Variants in SLC35B3 observed in about 807,000 individuals in gnomAD.
The protein encoded by SLC35B3 is adenosine 3'-phospho 5'-phosphosulfate transporter 2.
Under a neutral mutation model 44.1 loss-of-function variants are expected in SLC35B3, and 35 were observed. The ratio of observed to expected loss-of-function variants is 0.79; its 90% CI spans 0.61 to 1.05. The LOEUF (loss-of-function observed/expected upper bound fraction) is 1.05. Among genes scored for constraint, SLC35B3 ranks in the 50% least tolerant of loss-of-function variants. The pLI, the probability that SLC35B3 is intolerant of heterozygous loss-of-function variation, is 0.00. For missense variants in SLC35B3, 414 were observed against 476.4 expected (o/e 0.87, Z 1.22); for synonymous variants, 146 against 167.3 (o/e 0.87, Z 0.98).
intron 3 of SLC35B3, 35 bp downstream of exon 2, chr6:8,429,829 A>G (rs931984329): frequency 2.1e-5 from 30 of 1,425,006 alleles, no homozygotes; most frequent in South Asian, 1.6e-4. Context: ...ATTATTATAA[A>G]TAATTAACAT....
At position 8,419,625 on chromosome 6, in the gene SLC35B3, A is replaced by G. The variant is rs1195162474; in HGVS notation, c.735T>C (p.Val245=). The G allele has an allele frequency of 6.4e-7, 1 of 1,572,230 alleles. No homozygotes were observed. Among genetic ancestry groups the G allele is most frequent in the Non-Finnish European group, 8.7e-7 (1 of 1,153,394 alleles). ...TATGAAGTTTCATAGCTTTCTCTTG[A>G]ACATTTCCAATGACGGCATCTGCAC... is the stretch of plus-strand genomic sequence containing the variant. Residue 245 remains valine, a synonymous_variant, in exon 7 of 11, where the codon GTT becomes GTC. Coordinates refer to ENST00000644923, the MANE Select transcript of SLC35B3 (RefSeq NM_001370476.2). The surrounding 1 kb of genome is among the most constrained non-coding windows in gnomAD (Gnocchi z 4.3).
At position 8,430,019 on chromosome 6, in the gene SLC35B3, C is replaced by T. The variant is rs550117055; in HGVS notation, c.142G>A (p.Val48Met). 1 of 1,613,936 alleles carries T rather than the reference C, an allele frequency of 6.2e-7. No individual in the cohort carries two copies. Among genetic ancestry groups the T allele is most frequent in the East Asian group, 2.2e-5 (1 of 44,840 alleles). ...GACATTGTTTGGGTTTTGGATGGCACAGTGATAGAAATATATTTCCTGGAA... is the reference window on the plus strand; with the variant it reads ...GACATTGTTTGGGTTTTGGATGGCATAGTGATAGAAATATATTTCCTGGAA... Residue 48 changes from valine to methionine, a missense_variant, in exon 3 of 11, where the codon GTG (valine) becomes ATG (methionine). Transcript: ENST00000644923.
chr6:8,432,134 C>T lies in SLC35B3; in HGVS notation c.4-1977G>A, dbSNP rs755453665. On this transcript the variant is annotated intron_variant, in intron 2 of 10. Transcript: ENST00000644923. This position sits in a 1 kb window ranked among gnomAD's most constrained non-coding sequence, Gnocchi z 4.8. ...CTTGGTACCTGGCATATACTCTGAC[C>T]TGATATTCAGATGAACCAAATAAAC... Among the ~76,000 whole-genome samples the T allele has an allele frequency of 1.5e-4, 23 of 152,018 alleles. No homozygotes were observed. The highest frequency in any genetic ancestry group is 3.2e-4 in the Non-Finnish European group (22 of 68,028).
chr6:8,416,990 T>A lies in SLC35B3; in HGVS notation c.879A>T (p.Pro293=). 2 of 1,547,806 alleles carry A rather than the reference T, an allele frequency of 1.3e-6. No homozygotes were observed. Among genetic ancestry groups the A allele is most frequent in the East Asian group, 2.3e-5 (1 of 43,630 alleles). ...GGAACGCATAACCATAGGTCCGAAC[T>A]GGATTCTGCAAAAAATAAAAAAGCC... The change falls in exon 9 of 11, where the codon CCA becomes CCT. Residue 293 remains proline, a synonymous_variant. Coordinates refer to ENST00000644923, the MANE Select transcript of SLC35B3 (RefSeq NM_001370476.2).
At position 8,435,486 on chromosome 6, in the gene SLC35B3, C is replaced by T. The variant is rs1009475594; in HGVS notation, c.-187G>A. ...CCCACTCCTGCACTTTCCACCGCGG[C>T]GGTCGCCTCCCCGGAAAGCACTCTC... is the stretch of plus-strand genomic sequence containing the variant. On this transcript the variant is annotated 5_prime_UTR_variant, in exon 1 of 11. Transcript: ENST00000644923. This position sits in a 1 kb window ranked among gnomAD's most constrained non-coding sequence, Gnocchi z 5.5. The T allele has an allele frequency of 2.8e-5, 27 of 957,386 alleles. No individual in the cohort carries two copies. The highest frequency in any genetic ancestry group is 2.6e-4 in the South Asian group (18 of 69,150). 59.3% of individuals were successfully genotyped at this position (957,386 alleles called of 1,614,324 possible). A position where few individuals can be genotyped will look rare whatever the true frequency, so the allele number is the denominator to read the frequency against.
chr6:8,424,750 A>G (rs913982428), intron 4 of SLC35B3, among the ~76,000 whole-genome samples: 1 of 152,228 alleles, frequency 6.6e-6, no homozygotes, highest in Non-Finnish European at 1.5e-5. Flanking sequence ...TCAAGATAAA[A>G]TTTAGAGTAT....
chr6:8,430,209 C>A, intron 2 of SLC35B3, 52 bp from the exon 2 acceptor site: 1 of 1,410,364 alleles, frequency 7.1e-7, no homozygotes, highest in Admixed American at 2.5e-5. Context: ...GTTTAATCCT[C>A]CAAATAATAT....
rs572759073 is a variant in SLC35B3, at chr6:8,421,513, C to G, written c.575-685G>C. Among the ~76,000 whole-genome samples, 249 of 152,246 alleles carry G rather than the reference C, an allele frequency of 1.6e-3. 1 individual carries two copies. Among genetic ancestry groups the G allele is most frequent in the African/African-American group, 5.9e-3 (245 of 41,550 alleles). On this transcript the variant is annotated intron_variant, in intron 5 of 10. Coordinates refer to ENST00000644923, the MANE Select transcript of SLC35B3 (RefSeq NM_001370476.2). ...TTAAAGGCTTATTCTGGGATGGTATCTAATGCATAAATGATATCAGGCTGT... is the reference window on the plus strand; with the variant it reads ...TTAAAGGCTTATTCTGGGATGGTATGTAATGCATAAATGATATCAGGCTGT...
intron 8 of SLC35B3, 106 bp downstream of exon 7, chr6:8,417,296 A>G: frequency 1.4e-6 from 1 of 691,006 alleles, no homozygotes; most frequent in Non-Finnish European, 2.5e-6. Context: ...ATGTTAAAGG[A>G]GGTATCATTA....
In SLC35B3 at chr6:8,433,866, A is replaced by T. The variant is rs1215434546; in HGVS notation, c.3+519T>A. On this transcript the variant is annotated intron_variant, in intron 2 of 10. Transcript: ENST00000644923. The surrounding 1 kb of genome is among the most constrained non-coding windows in gnomAD (Gnocchi z 4.1). ...GGGGAATGTCTGCCATATCCCTTCC[A>T]CTTCAAACATTAATGACTGATACTA... is the stretch of plus-strand genomic sequence containing the variant. Among the ~76,000 whole-genome samples the T allele has an allele frequency of 6.6e-6, 1 of 150,844 alleles. No homozygotes were observed. The highest frequency in any genetic ancestry group is 2.0e-4 in the East Asian group (1 of 5,076).
At chr6:8,429,782 T>C (rs746208798) in intron 3 of SLC35B3, 82 bp downstream of exon 2, 65 of 1,036,320 alleles carry the variant, frequency 6.3e-5, no homozygotes, top group Non-Finnish European at 8.4e-5. Flanking sequence ...TAAGTGACTA[T>C]CTTGGGCAAA....
chr6:8,429,665 T>C, intron 3 of SLC35B3, 199 bp downstream of exon 2: 1 of 441,984 alleles, frequency 2.3e-6, no homozygotes, highest in Non-Finnish European at 4.0e-6. Context: ...TCTCTACATA[T>C]GCCTCCTCCC....
chr6:8,422,874 G>C (rs572130294), intron 4 of SLC35B3, among the ~76,000 whole-genome samples: 1 of 150,454 alleles, frequency 6.6e-6, no homozygotes, highest in Non-Finnish European at 1.5e-5. Context: ...AAAGAGTTTA[G>C]ATTTTTACTG....
rs1764064597 is a variant in SLC35B3, at chr6:8,432,277, TATAGAAAAAGAGTGGGG to T, written c.3+2091_3+2107del. Among the ~76,000 whole-genome samples, 1 of 151,674 alleles carries T rather than the reference TATAGAAAAAGAGTGGGG, an allele frequency of 6.6e-6. No homozygotes were observed. The highest frequency in any genetic ancestry group is 2.1e-4 in the South Asian group (1 of 4,820). Reference sequence around the variant, plus strand: ...ACTTTATGAGCAAAACTGAAAATCTTATAGAAAAAGAGTGGGGAAAATTTACAAATAATGCTTACATA... The same window carrying T: ...ACTTTATGAGCAAAACTGAAAATCTTAAAATTTACAAATAATGCTTACATA... On this transcript the variant is annotated intron_variant, in intron 2 of 10. Transcript: ENST00000644923. This position sits in a 1 kb window ranked among gnomAD's most constrained non-coding sequence, Gnocchi z 4.8.
chr6:8,418,828 G>A, intron 7 of SLC35B3: 1 of 224,572 alleles, frequency 4.5e-6, no homozygotes, highest in South Asian at 4.7e-5. Context: ...AATACCAATG[G>A]GATTTTTAGT....
chr6:8,417,579 G>A (rs925387932), intron 7 of SLC35B3, 85 bp from the exon 7 acceptor site: 3 of 677,970 alleles, frequency 4.4e-6, no homozygotes, highest in African/African-American at 3.7e-5. Context: ...GGCTCAATTA[G>A]GTTTGCAGAA....
intron 7 of SLC35B3, 61 bp from the exon 7 acceptor site, chr6:8,417,555 G>A: frequency 9.6e-6 from 9 of 942,224 alleles, no homozygotes; most frequent in South Asian, 1.6e-5. Flanking sequence ...GAAGATTAAG[G>A]GTTTTAACTC....
chr6:8,428,842 T>C (rs1763686895), intron 3 of SLC35B3, among the ~76,000 whole-genome samples: 2 of 152,132 alleles, frequency 1.3e-5, no homozygotes, highest in South Asian at 4.1e-4. Flanking sequence ...TCTCAAGTTT[T>C]ATATCACCTA....
rs1763105071 is a variant in SLC35B3, at chr6:8,423,313, A to G, written c.420-689T>C. 2.0e-5 allele frequency among the ~76,000 whole-genome samples: 3 copies of G among 152,232 alleles called. No homozygotes were observed. In the South Asian group the frequency reaches 6.2e-4, roughly 31 times the overall value. On this transcript the variant is annotated intron_variant, in intron 4 of 10. Transcript: ENST00000644923. ...CCAAGATTTTCTCTAGGAAAAGTTCATGTGATTTAAAACCCTAGATGTAAT... is the reference window on the plus strand; with the variant it reads ...CCAAGATTTTCTCTAGGAAAAGTTCGTGTGATTTAAAACCCTAGATGTAAT...
Sources: gnomAD v4.1 joint callset for allele counts (sites outside exome capture counted in the v4.1 genomes callset) on GRCh38, gnomAD v4.1.1 for gene constraint, Gnocchi (gnomAD v3.1) non-coding constraint, MANE v1.5 for transcripts, NCBI Gene and HGNC (gene_info 2026-07-23, HGNC 2026-07-21) for gene names.